Variants in ECPAS observed in about 807,000 individuals in gnomAD.
ECPAS encodes the protein proteasome adapter and scaffold protein ECM29.
ECPAS carries 70 observed loss-of-function variants against 255.1 expected under a neutral mutation model. The ratio of observed to expected loss-of-function variants is 0.27; its 90% CI spans 0.23 to 0.33. ECPAS has a LOEUF of 0.33. Among genes scored for constraint, ECPAS ranks in the 10% least tolerant of loss-of-function variants. The probability of loss-of-function intolerance (pLI) is 1.00; values close to 1 mark genes in which losing one functional copy is unlikely to be tolerated. For synonymous variants in ECPAS, 784 were observed against 775.0 expected (o/e 1.01, Z -0.19); for missense variants, 1,817 against 2,206.4 (o/e 0.82, Z 3.54).
rs549412790 is a variant in ECPAS at position 111,439,123 on chromosome 9, G to A, written c.539+1249C>T. On this transcript the variant is annotated intron_variant, in intron 6 of 49. Transcript: ENST00000684092. ...GGGAGATGGAAATGTCTACAATGCA[G>A]CAAAAACACACAGTGGCCATATAGG... is the stretch of plus-strand genomic sequence containing the variant. 2.6e-5 allele frequency among the ~76,000 whole-genome samples: 4 copies of A among 152,288 alleles called. No homozygotes were observed. In the South Asian group the frequency reaches 8.3e-4, roughly 32 times the overall value.
At chr9:111,414,112 A>G (rs2098199319) in intron 19 of ECPAS, 126 bp from the exon 20 acceptor site, 1 of 652,702 alleles carries the variant, frequency 1.5e-6, no homozygotes, top group African/African-American at 1.8e-5. Flanking sequence ...TTAAAAAAAA[A>G]AAAAAGAAAA....
intron 24 of ECPAS, among the ~76,000 whole-genome samples, chr9:111,405,935 T>C (rs1049555825): frequency 6.7e-6 from 1 of 149,602 alleles, no homozygotes; most frequent in African/African-American, 2.5e-5. Context: ...TCATACACTG[T>C]TGGTGGGAAA....
At chr9:111,461,297 C>CA (rs796220521) in intron 2 of ECPAS, among the ~76,000 whole-genome samples, 4,782 of 130,072 alleles carry the variant, frequency 0.037, 251 homozygotes, top group African/African-American at 0.12. Flanking sequence ...CCATCTCTAC[C>CA]AAAAAAAAAA....
intron 31 of ECPAS, among the ~76,000 whole-genome samples, chr9:111,388,573 T>G (rs1197572620): frequency 1.3e-5 from 2 of 151,994 alleles, no homozygotes; most frequent in African/African-American, 4.8e-5. Flanking sequence ...GTAAAGCTAC[T>G]AAAGGATTTT....
At chr9:111,425,879 A>AATTCT in intron 10 of ECPAS, 51 bp from the exon 11 acceptor site, 1 of 879,362 alleles carries the variant, frequency 1.1e-6, no homozygotes, top group Non-Finnish European at 1.8e-6. Context: ...TAAGAATTTA[A>AATTCT]TATTTTTGAA....
At position 111,437,009 on chromosome 9, in the gene ECPAS, C is replaced by G; in HGVS notation, c.639G>C (p.Pro213=). 6.2e-7 allele frequency: 1 copy of G among 1,613,068 alleles called. No individual in the cohort carries two copies. The highest frequency in any genetic ancestry group is 1.1e-5 in the South Asian group (1 of 90,884). Residue 213 remains proline (P), a synonymous_variant, in exon 7 of 50, where the codon CCG becomes CCC. Transcript: ENST00000684092. ...GTTTGGCTGCATAAAAGCTCATTCC[C>G]GGAGGAGGCTGTGGGATTCCAGAAC... is the stretch of plus-strand genomic sequence containing the variant. ...GGGSGIPQPP[P]GMSFYAAKRV...
At chr9:111,476,239 C>T (rs2098296108) in intron 1 of ECPAS, among the ~76,000 whole-genome samples, 1 of 152,168 alleles carries the variant, frequency 6.6e-6, no homozygotes, top group South Asian at 2.1e-4. Context: ...GAATACGAAA[C>T]CACTAAACAG....
At chr9:111,463,643 G>T (rs1275898761) in intron 2 of ECPAS, among the ~76,000 whole-genome samples, 3 of 152,048 alleles carry the variant, frequency 2.0e-5, no homozygotes, top group African/African-American at 7.3e-5. Context: ...TCAGCAAATA[G>T]ACAAATCAAT....
intron 1 of ECPAS, chr9:111,483,793 C>T: frequency 5.1e-6 from 1 of 194,224 alleles, no homozygotes; most frequent in Non-Finnish European, 9.2e-6. Context: ...CTGCCGCTGC[C>T]GCCGCCGCCG....
rs147486352 is a variant in ECPAS, at chr9:111,378,671, G to A, written c.3863C>T (p.Pro1288Leu). ...SAGAMLKPHA[P>L]KLIPALLESL... ...CTCTAGCAGAGCTGGAATGAGTTTTGGTGCATGCGGTTTCAACATGGCTCC... is the reference window on the plus strand; with the variant it reads ...CTCTAGCAGAGCTGGAATGAGTTTTAGTGCATGCGGTTTCAACATGGCTCC... The change falls in exon 36 of 50, where the codon CCA becomes CTA. Residue 1288 changes from proline (P) to leucine (L), a missense_variant. By Grantham distance (98) the Pro-to-Leu change is moderately conservative. Coordinates refer to ENST00000684092, the MANE Select transcript of ECPAS (RefSeq NM_001364929.1). 296 of 1,613,800 alleles carry A rather than the reference G, an allele frequency of 1.8e-4. 1 individual carries two copies. In the East Asian group the frequency reaches 6.1e-3, roughly 33 times the overall value.
Position 111,484,310 on chromosome 9 carries a change from G to T in ECPAS, c.-277C>A. ...AGGCGGGGCCGGAGCGCCCTTTTCC[G>T]AGGTCTGCGGCTGTCACGTTGGCTG... On this transcript the variant is annotated 5_prime_UTR_variant, in exon 1 of 50. Coordinates refer to ENST00000684092, the MANE Select transcript of ECPAS (RefSeq NM_001364929.1). The T allele has an allele frequency of 6.3e-7, 1 of 1,577,602 alleles. No homozygotes were observed. Among genetic ancestry groups the T allele is most frequent in the Non-Finnish European group, 8.6e-7 (1 of 1,163,650 alleles).
intron 35 of ECPAS, among the ~76,000 whole-genome samples, chr9:111,381,682 A>C (rs78264744): frequency 6.6e-6 from 1 of 152,214 alleles, no homozygotes; most frequent in East Asian, 1.9e-4. Flanking sequence ...ACTAAACTTC[A>C]CTATGAATAT....
chr9:111,480,061 T>C (rs1015629966), intron 1 of ECPAS, among the ~76,000 whole-genome samples: 1 of 151,048 alleles, frequency 6.6e-6, no homozygotes, highest in Non-Finnish European at 1.5e-5. Context: ...TAATAGTAAA[T>C]ATGATAAAGT....
intron 12 of ECPAS, among the ~76,000 whole-genome samples, chr9:111,424,689 A>C (rs1403997911): frequency 6.6e-6 from 1 of 152,222 alleles, no homozygotes; most frequent in Admixed American, 6.5e-5. Context: ...TCTCAGCCCC[A>C]TTATTTACCA....
intron 49 of ECPAS, 99 bp downstream of exon 49, chr9:111,363,489 G>A (rs937959044): frequency 5.9e-6 from 4 of 675,564 alleles, no homozygotes; most frequent in African/African-American, 5.6e-5. Flanking sequence ...GTATTTCAGA[G>A]TATATGCTTA....
At chr9:111,418,296 T>C (rs1013927241) in intron 16 of ECPAS, among the ~76,000 whole-genome samples, 3 of 152,232 alleles carry the variant, frequency 2.0e-5, no homozygotes, top group Non-Finnish European at 4.4e-5. Flanking sequence ...TCTATGTGTA[T>C]GCTTTACCTC....
chr9:111,418,358 A>G (rs2098207775), intron 16 of ECPAS, among the ~76,000 whole-genome samples: 1 of 152,176 alleles, frequency 6.6e-6, no homozygotes, highest in African/African-American at 2.4e-5. Context: ...GTCAGTGACT[A>G]TCCAGTGGTC....
chr9:111,425,085 G>A (rs978547401), intron 12 of ECPAS, among the ~76,000 whole-genome samples: 4 of 152,038 alleles, frequency 2.6e-5, no homozygotes, highest in African/African-American at 9.7e-5. Flanking sequence ...TACTCGGGAG[G>A]CTGAGGCAAG....
At chr9:111,480,677 C>A (rs1268888514) in intron 1 of ECPAS, among the ~76,000 whole-genome samples, 1 of 152,170 alleles carries the variant, frequency 6.6e-6, no homozygotes, top group African/African-American at 2.4e-5. Context: ...ACTTCTTAAC[C>A]AGTGTACATG....
Sources: gnomAD v4.1 joint callset for allele counts (sites outside exome capture counted in the v4.1 genomes callset) on GRCh38, gnomAD v4.1.1 for gene constraint, MANE v1.5 for transcripts, NCBI Gene and HGNC (gene_info 2026-07-23, HGNC 2026-07-21) for gene names.